The following LRP1B variants were observed in gnomAD, a reference collection of about 807,000 sequenced individuals.
LRP1B encodes the protein low-density lipoprotein receptor-related protein 1B.
Under a neutral mutation model 556.6 loss-of-function variants are expected in LRP1B, and 217 were observed. That is an observed-to-expected ratio of 0.39 (90% CI 0.35 to 0.44). The LOEUF is 0.44. Ranked by LOEUF, LRP1B falls within the 20% of genes least tolerant of loss-of-function variation. The probability of loss-of-function intolerance (pLI) is 1.00; values close to 1 mark genes in which losing one functional copy is unlikely to be tolerated. For missense variants in LRP1B, 5,053 were observed against 5,620.8 expected (o/e 0.90, Z 3.23); for synonymous variants, 2,047 against 1,865.8 (o/e 1.10, Z -2.50).
chr2:142,094,421 G>T (rs978117551), intron 1 of LRP1B, among the ~76,000 whole-genome samples: 1 of 152,118 alleles, frequency 6.6e-6, no homozygotes, highest in East Asian at 1.9e-4. Context: ...ATTTTGAGGG[G>T]CCACTTGGCC....
intron 1 of LRP1B, among the ~76,000 whole-genome samples, chr2:141,922,958 G>T (rs1700229490): frequency 6.6e-6 from 1 of 151,900 alleles, no homozygotes; most frequent in South Asian, 2.1e-4. Flanking sequence ...AATTATCTGG[G>T]CGTAGTGGTG....
At chr2:141,408,900 T>G (rs1345896084) in intron 3 of LRP1B, among the ~76,000 whole-genome samples, 1 of 152,186 alleles carries the variant, frequency 6.6e-6, no homozygotes, top group Non-Finnish European at 1.5e-5. Flanking sequence ...AAAAAAGGTA[T>G]TTGATCACAA....
At chr2:140,726,112 G>C (rs552281251) in intron 35 of LRP1B, among the ~76,000 whole-genome samples, 7 of 152,204 alleles carry the variant, frequency 4.6e-5, no homozygotes, top group Non-Finnish European at 1.0e-4. Flanking sequence ...TTATTTAACA[G>C]GGCCAATAAT....
intron 43 of LRP1B, among the ~76,000 whole-genome samples, chr2:140,558,066 A>G (rs190591979): frequency 1.1e-3 from 167 of 152,304 alleles, no homozygotes; most frequent in African/African-American, 3.4e-3. Flanking sequence ...ATCCACGATG[A>G]AATATCACCT....
At chr2:141,134,725 CA>C (rs59459189) in intron 7 of LRP1B, among the ~76,000 whole-genome samples, 7,673 of 140,568 alleles carry the variant, frequency 0.055, 460 homozygotes, top group African/African-American at 0.15. Flanking sequence ...CAATAACTAC[CA>C]AAAAAAAAAA....
At chr2:140,494,076 A>G (rs1688814233) in intron 56 of LRP1B, among the ~76,000 whole-genome samples, 1 of 152,204 alleles carries the variant, frequency 6.6e-6, no homozygotes, top group South Asian at 2.1e-4. Context: ...TTCATTTTTA[A>G]AAAATCTCTG....
intron 41 of LRP1B, among the ~76,000 whole-genome samples, chr2:140,630,755 T>G (rs1683851693): frequency 6.6e-6 from 1 of 152,168 alleles, no homozygotes; most frequent in Non-Finnish European, 1.5e-5. Context: ...ACAAAGAACT[T>G]ACTCAGCAAA....
At chr2:140,784,503 C>CT (rs979267869) in intron 32 of LRP1B, among the ~76,000 whole-genome samples, 1 of 151,162 alleles carries the variant, frequency 6.6e-6, no homozygotes, top group African/African-American at 2.4e-5. Flanking sequence ...CTGATGATCT[C>CT]TTTAGGAAAA....
chr2:141,523,793 G>A (rs1175862426), intron 2 of LRP1B, among the ~76,000 whole-genome samples: 2 of 152,220 alleles, frequency 1.3e-5, no homozygotes, highest in East Asian at 3.9e-4. Context: ...TGAATTACAT[G>A]TTCTCCCTGC....
intron 37 of LRP1B, among the ~76,000 whole-genome samples, chr2:140,712,085 C>T (rs995554596): frequency 6.6e-6 from 1 of 152,128 alleles, no homozygotes. Context: ...TAACAGCTCA[C>T]ACAGACAATT....
chr2:140,742,347 C>T (rs1688170139), intron 35 of LRP1B, among the ~76,000 whole-genome samples: 1 of 152,020 alleles, frequency 6.6e-6, no homozygotes, highest in South Asian at 2.1e-4. Context: ...ATCTAGTTCT[C>T]TCATGTTTAG....
At chr2:140,305,541 G>A (rs1684029553) in intron 83 of LRP1B, among the ~76,000 whole-genome samples, 1 of 152,164 alleles carries the variant, frequency 6.6e-6, no homozygotes, top group Non-Finnish European at 1.5e-5. Flanking sequence ...ATTAGCTTAA[G>A]GGGATTTTGG....
chr2:141,938,666 T>C (rs1463727376), intron 1 of LRP1B, among the ~76,000 whole-genome samples: 1 of 152,062 alleles, frequency 6.6e-6, no homozygotes, highest in Non-Finnish European at 1.5e-5. Flanking sequence ...CTATTCACAA[T>C]AGCCAAAATA....
intron 1 of LRP1B, among the ~76,000 whole-genome samples, chr2:142,025,962 C>T (rs921414488): frequency 6.6e-5 from 10 of 152,092 alleles, no homozygotes; most frequent in African/African-American, 2.2e-4. Flanking sequence ...TGCCTGTAAG[C>T]TCACAGAGAG....
At chr2:141,212,355 T>G (rs895848918) in intron 6 of LRP1B, among the ~76,000 whole-genome samples, 2 of 135,626 alleles carry the variant, frequency 1.5e-5, no homozygotes, top group South Asian at 2.5e-4. Context: ...CTCGGCTCAC[T>G]GCAAGCTCCG....
intron 32 of LRP1B, among the ~76,000 whole-genome samples, chr2:140,793,911 T>A (rs931865118): frequency 6.6e-6 from 1 of 152,236 alleles, no homozygotes; most frequent in African/African-American, 2.4e-5. Context: ...ACCATGAATG[T>A]TATGTTTTAT....
chr2:141,494,845 C>T (rs991292524), intron 2 of LRP1B, among the ~76,000 whole-genome samples: 4 of 150,354 alleles, frequency 2.7e-5, no homozygotes, highest in African/African-American at 9.8e-5. Flanking sequence ...CACAAACACA[C>T]ACACACACAG....
intron 2 of LRP1B, among the ~76,000 whole-genome samples, chr2:141,664,070 A>C (rs1690330639): frequency 6.6e-6 from 1 of 152,192 alleles, no homozygotes; most frequent in Non-Finnish European, 1.5e-5. Flanking sequence ...CAAGGGATGC[A>C]AGGCTGGTTC....
At chr2:140,264,401 G>T (rs1682092213) in intron 86 of LRP1B, among the ~76,000 whole-genome samples, 1 of 152,156 alleles carries the variant, frequency 6.6e-6, no homozygotes, top group African/African-American at 2.4e-5. Context: ...GCTAACTTTT[G>T]TATTTTTAGT....
Sources: allele counts gnomAD v4.1 joint callset (sites outside exome capture counted in the v4.1 genomes callset), GRCh38; gene constraint gnomAD v4.1.1; transcripts MANE v1.5; gene names NCBI Gene and HGNC (gene_info 2026-07-23, HGNC 2026-07-21).